The following ADGRB3 variants were observed in gnomAD, a reference collection of about 807,000 sequenced individuals.
The protein encoded by ADGRB3 is adhesion G protein-coupled receptor B3.
A neutral mutation model predicts 193.4 loss-of-function variants in ADGRB3; 37 were observed. The ratio of observed to expected loss-of-function variants is 0.19; its 90% CI spans 0.15 to 0.25. The LOEUF is 0.25. ADGRB3 is among the 10% of genes least tolerant of loss of function. The pLI is 1.00. For missense variants in ADGRB3, 1,637 were observed against 1,852.9 expected (o/e 0.88, Z 2.14); for synonymous variants, 690 against 644.2 (o/e 1.07, Z -1.08).
chr6:69,326,619 C>T (rs1036998145), intron 21 of ADGRB3, among the ~76,000 whole-genome samples: 11 of 151,946 alleles, frequency 7.2e-5, no homozygotes, highest in Non-Finnish European at 1.5e-4. Flanking sequence ...GTGTGTGTTT[C>T]ATTATGAACA....
chr6:68,969,447 A>G (rs974343902), intron 8 of ADGRB3, among the ~76,000 whole-genome samples: 4 of 152,224 alleles, frequency 2.6e-5, no homozygotes, highest in Non-Finnish European at 5.9e-5. Flanking sequence ...GGTAGGCTAC[A>G]GCCCTTATGA....
At chr6:68,685,444 G>A (rs2127299751) in intron 3 of ADGRB3, among the ~76,000 whole-genome samples, 1 of 151,966 alleles carries the variant, frequency 6.6e-6, no homozygotes, top group South Asian at 2.1e-4. Flanking sequence ...TAAAGCAATA[G>A]AACATAGAAA....
At chr6:69,350,913 A>C (rs576512072) in intron 26 of ADGRB3, among the ~76,000 whole-genome samples, 1 of 152,072 alleles carries the variant, frequency 6.6e-6, no homozygotes, top group Non-Finnish European at 1.5e-5. Context: ...ACAAAATTCA[A>C]TTAATTATCC....
chr6:69,213,251 T>C (rs1203531786), intron 17 of ADGRB3, among the ~76,000 whole-genome samples: 5 of 152,186 alleles, frequency 3.3e-5, no homozygotes, highest in Admixed American at 2.6e-4. Context: ...ATTCAACAAA[T>C]AGGAGAATTA....
At chr6:68,864,740 C>T (rs1236264650) in intron 3 of ADGRB3, among the ~76,000 whole-genome samples, 1 of 152,124 alleles carries the variant, frequency 6.6e-6, no homozygotes, top group African/African-American at 2.4e-5. Context: ...TTCATTTGTT[C>T]TGGGAGCTCC....
chr6:68,910,555 T>G (rs949036895), intron 3 of ADGRB3, among the ~76,000 whole-genome samples: 1 of 152,240 alleles, frequency 6.6e-6, no homozygotes, highest in Non-Finnish European at 1.5e-5. Context: ...CATTTAAGTC[T>G]TTAATCCATC....
intron 3 of ADGRB3, among the ~76,000 whole-genome samples, chr6:68,653,061 T>C (rs749773018): frequency 1.3e-5 from 2 of 152,132 alleles, no homozygotes; most frequent in Non-Finnish European, 2.9e-5. Flanking sequence ...TGAGCAAAAG[T>C]GACATTGCTC....
intron 24 of ADGRB3, among the ~76,000 whole-genome samples, chr6:69,338,403 G>C (rs117927924): frequency 6.6e-6 from 1 of 152,078 alleles, no homozygotes; most frequent in Non-Finnish European, 1.5e-5. Context: ...ATATGAATCT[G>C]TTGAGAAAAA....
intron 3 of ADGRB3, among the ~76,000 whole-genome samples, chr6:68,719,372 A>T (rs1439514428): frequency 6.6e-6 from 1 of 151,762 alleles, no homozygotes; most frequent in Non-Finnish European, 1.5e-5. Flanking sequence ...ATTGAATTTT[A>T]ATTAATATAA....
intron 20 of ADGRB3, among the ~76,000 whole-genome samples, chr6:69,275,460 T>C (rs1353345995): frequency 6.6e-6 from 1 of 152,174 alleles, no homozygotes; most frequent in Non-Finnish European, 1.5e-5. Flanking sequence ...ACAGTTTTTA[T>C]GCAAGGCGTT....
chr6:69,251,091 C>T (rs186898444), intron 20 of ADGRB3, among the ~76,000 whole-genome samples: 28 of 152,310 alleles, frequency 1.8e-4, no homozygotes, highest in Admixed American at 1.4e-3. Context: ...TGGTTTGTAC[C>T]TGTTGCCCTG....
intron 3 of ADGRB3, among the ~76,000 whole-genome samples, chr6:68,736,083 C>T (rs951107554): frequency 1.3e-5 from 2 of 151,930 alleles, no homozygotes; most frequent in Non-Finnish European, 2.9e-5. Flanking sequence ...ATGATCATGG[C>T]TCACTGTAGC....
intron 3 of ADGRB3, among the ~76,000 whole-genome samples, chr6:68,780,521 G>A (rs555535969): frequency 1.3e-5 from 2 of 152,026 alleles, no homozygotes; most frequent in Non-Finnish European, 2.9e-5. Flanking sequence ...AATGCATACC[G>A]CTTGAGAGTA....
chr6:68,983,392 C>A (rs957828757), intron 10 of ADGRB3, among the ~76,000 whole-genome samples: 4 of 150,526 alleles, frequency 2.7e-5, no homozygotes, highest in Admixed American at 6.6e-5. Flanking sequence ...TCTGAATGGG[C>A]CTGATCTTGT....
At chr6:69,214,830 TAAA>T (rs1464063590) in intron 17 of ADGRB3, among the ~76,000 whole-genome samples, 3 of 151,826 alleles carry the variant, frequency 2.0e-5, no homozygotes, top group African/African-American at 7.3e-5. Flanking sequence ...CTCAAATTCT[TAAA>T]AGAAAATACA....
intron 6 of ADGRB3, among the ~76,000 whole-genome samples, chr6:68,951,190 T>A (rs966080445): frequency 5.9e-5 from 9 of 152,156 alleles, no homozygotes; most frequent in African/African-American, 1.9e-4. Flanking sequence ...TTAAAAAAAA[T>A]ATTAGTGAAT....
intron 13 of ADGRB3, among the ~76,000 whole-genome samples, chr6:69,040,494 AT>A (rs1321153218): frequency 6.6e-6 from 1 of 151,454 alleles, no homozygotes; most frequent in Non-Finnish European, 1.5e-5. Context: ...AGTTGGGTAT[AT>A]GGCTCTGGAT....
intron 3 of ADGRB3, among the ~76,000 whole-genome samples, chr6:68,847,321 G>A (rs1490894657): frequency 6.6e-6 from 1 of 152,166 alleles, no homozygotes; most frequent in Non-Finnish European, 1.5e-5. Flanking sequence ...TTGGGGGAAT[G>A]TTGGGAAGGC....
At chr6:69,118,756 A>T (rs1039878358) in intron 17 of ADGRB3, among the ~76,000 whole-genome samples, 2 of 152,060 alleles carry the variant, frequency 1.3e-5, no homozygotes, top group Admixed American at 6.6e-5. Context: ...ACAGAAAAAA[A>T]AAATAAGAGC....
Sources: gnomAD v4.1 joint callset for allele counts (sites outside exome capture counted in the v4.1 genomes callset) on GRCh38, gnomAD v4.1.1 for gene constraint, MANE v1.5 for transcripts, NCBI Gene and HGNC (gene_info 2026-07-23, HGNC 2026-07-21) for gene names.